The following KAT6A variants were observed in gnomAD, a reference collection of about 807,000 sequenced individuals.
KAT6A encodes the protein histone acetyltransferase KAT6A.
Under a neutral mutation model 198.4 loss-of-function variants are expected in KAT6A, and 9 were observed. That is an observed-to-expected ratio of 0.05 (90% CI 0.03 to 0.08). The LOEUF (loss-of-function observed/expected upper bound fraction) is 0.08, where lower values mean the gene tolerates loss of function less well. Ranked by LOEUF, KAT6A falls within the 10% of genes least tolerant of loss-of-function variation. The pLI, the probability that KAT6A is intolerant of heterozygous loss-of-function variation, is 1.00. For missense variants in KAT6A, 2,077 were observed against 2,509.9 expected (o/e 0.83, Z 3.69); for synonymous variants, 890 against 883.0 (o/e 1.01, Z -0.14).
chr8:41,991,465 A>G (rs1386811849), intron 2 of KAT6A, among the ~76,000 whole-genome samples: 1 of 152,222 alleles, frequency 6.6e-6, no homozygotes, highest in Non-Finnish European at 1.5e-5. Flanking sequence ...TTGGAAAGGA[A>G]GGAAACAGTA....
chr8:41,946,221 C>T (rs1010009839), intron 12 of KAT6A, among the ~76,000 whole-genome samples: 5 of 152,096 alleles, frequency 3.3e-5, no homozygotes, highest in Non-Finnish European at 7.4e-5. Context: ...CTCACCTCTG[C>T]TTCCTGAGTA....
chr8:41,966,995 G>C (rs1823524690), intron 8 of KAT6A, among the ~76,000 whole-genome samples: 1 of 152,092 alleles, frequency 6.6e-6, no homozygotes, highest in South Asian at 2.1e-4. Context: ...GGTTAATAAA[G>C]TTGTTGAAAC....
chr8:42,037,917 T>C (rs1468407389), intron 2 of KAT6A, among the ~76,000 whole-genome samples: 5 of 152,314 alleles, frequency 3.3e-5, no homozygotes, highest in South Asian at 4.1e-4. Flanking sequence ...CAAAAAATGA[T>C]GTGCTGTCTG....
In KAT6A at chr8:41,931,263, T is replaced by A. The variant is rs1821527277; in HGVS notation, c.*942A>T. 1 of 220,566 alleles carries A rather than the reference T, an allele frequency of 4.5e-6. No homozygotes were observed. The highest frequency in any genetic ancestry group is 1.9e-4 in the South Asian group (1 of 5,386). 13.7% of individuals were successfully genotyped at this position (220,566 alleles called of 1,614,324 possible). ...AAAGTACATACTAGAAACAAGAGGC[T>A]GGGTGGCGTGTGTGTGCGTTATGGC... On this transcript the variant is annotated 3_prime_UTR_variant, in exon 17 of 17. Coordinates refer to ENST00000265713, the MANE Select transcript of KAT6A (RefSeq NM_006766.5).
At chr8:42,002,023 C>A (rs540436912) in intron 2 of KAT6A, among the ~76,000 whole-genome samples, 1 of 152,160 alleles carries the variant, frequency 6.6e-6, no homozygotes, top group African/African-American at 2.4e-5. Flanking sequence ...GACTAAAATT[C>A]TCTCCTAATC....
intron 11 of KAT6A, 139 bp from the exon 12 acceptor site, chr8:41,946,823 A>T: frequency 1.6e-6 from 1 of 613,464 alleles, no homozygotes; most frequent in Non-Finnish European, 2.9e-6. Flanking sequence ...ACAAACAACT[A>T]CCCAGCTGGG....
At chr8:41,951,767 T>C (rs1028461689) in intron 9 of KAT6A, among the ~76,000 whole-genome samples, 10 of 152,264 alleles carry the variant, frequency 6.6e-5, no homozygotes, top group African/African-American at 2.4e-4. Flanking sequence ...CTTCTGAACA[T>C]GGCCCAACAT....
intron 16 of KAT6A, 76 bp from the exon 17 acceptor site, chr8:41,934,943 T>A (rs772712967): frequency 1.8e-6 from 2 of 1,126,666 alleles, no homozygotes; most frequent in Non-Finnish European, 2.6e-6. Flanking sequence ...AAGACTAGCA[T>A]ATACAATAGA....
chr8:42,006,408 C>T (rs1825748707), intron 2 of KAT6A, among the ~76,000 whole-genome samples: 1 of 152,220 alleles, frequency 6.6e-6, no homozygotes, highest in African/African-American at 2.4e-5. Flanking sequence ...AACTCCGTAA[C>T]ATCTTACGTT....
chr8:41,955,213 G>T, intron 9 of KAT6A, 83 bp downstream of exon 9: 1 of 843,000 alleles, frequency 1.2e-6, no homozygotes, highest in South Asian at 1.4e-5. Context: ...GGATAAGGTG[G>T]ACTCAAACAT....
intron 2 of KAT6A, among the ~76,000 whole-genome samples, chr8:42,005,774 A>ACC (rs1825711219): frequency 7.8e-6 from 1 of 128,826 alleles, no homozygotes; most frequent in African/African-American, 3.1e-5. Context: ...ACACACACAC[A>ACC]CACACACACA....
Position 41,946,523 on chromosome 8 carries a change from C to CAT in KAT6A, c.1996+67_1996+68insAT, listed in dbSNP as rs1160170534. The CAT allele has an allele frequency of 1.4e-3, 1,068 of 774,714 alleles. 7 individuals carry two copies. Among genetic ancestry groups the CAT allele is most frequent in the Middle Eastern group, 1.9e-3 (7 of 3,620 alleles). 48.0% of individuals were successfully genotyped at this position (774,714 alleles called of 1,614,324 possible). On this transcript the variant is annotated intron_variant, in intron 12 of 16. Transcript: ENST00000265713. ...ACACACACACACACACACACACACA[C>CAT]ACACACACACACACACACAGAGAAG...
Position 42,048,663 on chromosome 8 carries a change from C to T in KAT6A, c.315G>A (p.Arg105=), listed in dbSNP as rs1447391551. ...CAGACTCTGCCAAGCCCTCAACTGC[C>T]CGCTTTATCAGTTTATTCCAATCCA... ...QNVDWNKLIK[R]AVEGLAESGG... The change falls in exon 2 of 17, where the codon CGG becomes CGA. Residue 105 remains arginine, a synonymous_variant. Coordinates refer to ENST00000265713, the MANE Select transcript of KAT6A (RefSeq NM_006766.5). 6.2e-7 allele frequency: 1 copy of T among 1,614,082 alleles called. No individual in the cohort carries two copies. Among genetic ancestry groups the T allele is most frequent in the African/African-American group, 1.3e-5 (1 of 74,934 alleles).
chr8:41,983,962 T>C (rs995629884), intron 3 of KAT6A, among the ~76,000 whole-genome samples: 3 of 152,262 alleles, frequency 2.0e-5, no homozygotes, highest in African/African-American at 7.2e-5. Context: ...ACTTCATGCT[T>C]AGAAATGTAA....
Position 41,933,162 on chromosome 8 carries a change from C to A in KAT6A, c.5058G>T (p.Gln1686His). 1 of 1,600,028 alleles carries A rather than the reference C, an allele frequency of 6.2e-7. No homozygotes were observed. Among genetic ancestry groups the A allele is most frequent in the South Asian group, 1.1e-5 (1 of 90,016 alleles). ...QQQPQQQPQP[Q>H]PQQPPPPPPP... ...GGGGTGGGGGTGGAGGCTGCTGGGG[C>A]TGAGGCTGCGGCTGCTGTTGCGGCT... The change falls in exon 17 of 17, where the codon CAG (glutamine) becomes CAT (histidine). Residue 1686 changes from glutamine to histidine, a missense_variant. Transcript: ENST00000265713. The surrounding 1 kb of genome is among the most constrained non-coding windows in gnomAD (Gnocchi z 6.2).
intron 2 of KAT6A, among the ~76,000 whole-genome samples, chr8:41,997,056 A>G (rs929173232): frequency 2.6e-5 from 4 of 152,214 alleles, no homozygotes; most frequent in African/African-American, 4.8e-5. Context: ...TTTAATGGAT[A>G]CAGAGTCTGT....
Position 41,934,566 on chromosome 8 carries a change from G to T in KAT6A, c.3654C>A (p.Pro1218=), listed in dbSNP as rs776649857. ...EETVEPKEDM[P]LPEERKEEEE... ...CCTCCTCCTTCCTCTCCTCGGGTAG[G>T]GGCATGTCTTCTTTTGGCTCAACAG... is the stretch of plus-strand genomic sequence containing the variant. Residue 1218 remains proline, a synonymous_variant, in exon 17 of 17, where the codon CCC becomes CCA. Coordinates refer to ENST00000265713, the MANE Select transcript of KAT6A (RefSeq NM_006766.5). 3.1e-6 allele frequency: 5 copies of T among 1,613,886 alleles called. No homozygotes were observed. The highest frequency in any genetic ancestry group is 4.2e-6 in the Non-Finnish European group (5 of 1,179,980).
At chr8:42,009,894 C>CAAAAAAAA (rs538642816) in intron 2 of KAT6A, among the ~76,000 whole-genome samples, 85 of 48,994 alleles carry the variant, frequency 1.7e-3, no homozygotes, top group Non-Finnish European at 2.1e-3. Flanking sequence ...AGCCCTGTCT[C>CAAAAAAAA]AAAAAAAAAA....
Position 41,933,808 on chromosome 8 carries a change from A to G in KAT6A, c.4412T>C (p.Val1471Ala), listed in dbSNP as rs1176939422. Residue 1471 changes from valine to alanine, a missense_variant, in exon 17 of 17, where the codon GTT (valine) becomes GCT (alanine). By Grantham distance (64) the Val-to-Ala change is moderately conservative. This residue lies in a region of KAT6A where 178 missense variants were observed against 220.8 expected (regional missense o/e 0.81). Coordinates refer to ENST00000265713, the MANE Select transcript of KAT6A (RefSeq NM_006766.5). The surrounding 1 kb of genome is among the most constrained non-coding windows in gnomAD (Gnocchi z 6.2). ...ATGTTCTGACGCATGACAGTCTTCA[A>G]CCATGGACATCTGAGGGTCCTCGTC... ...QADEDPQMSM[V>A]EDCHASEHNS... 26 of 1,614,008 alleles carry G rather than the reference A, an allele frequency of 1.6e-5. No homozygotes were observed. The highest frequency in any genetic ancestry group is 2.2e-5 in the Non-Finnish European group (26 of 1,180,028).
Sources: gnomAD v4.1 joint callset for allele counts (sites outside exome capture counted in the v4.1 genomes callset) on GRCh38, gnomAD v4.1.1 for gene constraint, gnomAD v4.1.1 regional missense constraint, Gnocchi (gnomAD v3.1) non-coding constraint, MANE v1.5 for transcripts, NCBI Gene and HGNC (gene_info 2026-07-23, HGNC 2026-07-21) for gene names.